The following GRM5 variants were observed in gnomAD, a reference collection of about 807,000 sequenced individuals.
The protein encoded by GRM5 is glutamate metabotropic receptor 5.
In GRM5, 19 loss-of-function variants were observed where a neutral mutation model predicts 83.1. The observed-to-expected ratio is 0.23, with a 90% CI of 0.16 to 0.34. GRM5 has a LOEUF of 0.34. GRM5 is among the 10% of genes least tolerant of loss of function. The pLI is 1.00. For missense variants in GRM5, 1,160 were observed against 1,588.3 expected (o/e 0.73, Z 4.58); for synonymous variants, 675 against 633.6 (o/e 1.07, Z -0.98).
intron 2 of GRM5, among the ~76,000 whole-genome samples, chr11:89,025,946 C>A (rs1482005362): frequency 6.6e-6 from 1 of 152,198 alleles, no homozygotes; most frequent in Non-Finnish European, 1.5e-5. Flanking sequence ...TGCTCATCAA[C>A]TGTGGAGTAG....
chr11:88,739,964 C>A (rs1941994779), intron 3 of GRM5, among the ~76,000 whole-genome samples: 1 of 151,982 alleles, frequency 6.6e-6, no homozygotes, highest in South Asian at 2.1e-4. Context: ...ATAGTAAGAA[C>A]ACAACAGAAG....
At chr11:88,957,619 A>C (rs953908836) in intron 2 of GRM5, among the ~76,000 whole-genome samples, 1 of 152,200 alleles carries the variant, frequency 6.6e-6, no homozygotes, top group African/African-American at 2.4e-5. Context: ...TCACCAACTT[A>C]CTATAATGAA....
At chr11:88,875,167 T>C (rs1381611623) in intron 2 of GRM5, among the ~76,000 whole-genome samples, 1 of 151,838 alleles carries the variant, frequency 6.6e-6, no homozygotes, top group Admixed American at 6.6e-5. Flanking sequence ...CTTTTAAAAT[T>C]GGAGTCAATA....
chr11:88,940,515 A>AT (rs1318481279), intron 2 of GRM5, among the ~76,000 whole-genome samples: 1 of 151,416 alleles, frequency 6.6e-6, no homozygotes, highest in Non-Finnish European at 1.5e-5. Flanking sequence ...CAAAATTAAT[A>AT]TAAAAAATAA....
At chr11:88,721,808 G>T (rs534129007) in intron 3 of GRM5, among the ~76,000 whole-genome samples, 1 of 152,190 alleles carries the variant, frequency 6.6e-6, no homozygotes, top group South Asian at 2.1e-4. Context: ...CTCTTTTACT[G>T]AAATCATCAA....
chr11:88,642,635 G>T (rs1281281759), intron 4 of GRM5, among the ~76,000 whole-genome samples: 1 of 152,104 alleles, frequency 6.6e-6, no homozygotes, highest in South Asian at 2.1e-4. Context: ...AAGCAGTGAG[G>T]CTACATCTTG....
chr11:89,008,686 A>G (rs1191828470), intron 2 of GRM5, among the ~76,000 whole-genome samples: 2 of 152,090 alleles, frequency 1.3e-5, no homozygotes, highest in African/African-American at 4.8e-5. Flanking sequence ...GTGGGAGAAA[A>G]TAGTTTGGTC....
At chr11:88,630,588 C>T (rs927332751) in intron 4 of GRM5, among the ~76,000 whole-genome samples, 1 of 129,218 alleles carries the variant, frequency 7.7e-6, no homozygotes, top group East Asian at 2.3e-4. Flanking sequence ...CACACACACA[C>T]ACATATTATG....
chr11:88,849,826 T>A, intron 3 of GRM5, 80 bp downstream of exon 3: 1 of 1,329,504 alleles, frequency 7.5e-7, no homozygotes, highest in East Asian at 2.3e-5. Context: ...AAGAATTTTT[T>A]ATCATACACT....
intron 6 of GRM5, among the ~76,000 whole-genome samples, chr11:88,596,063 A>G (rs1937796053): frequency 6.6e-6 from 1 of 152,136 alleles, no homozygotes; most frequent in Admixed American, 6.6e-5. Flanking sequence ...ACATGCCCAC[A>G]AACTAACCAA....
chr11:88,751,087 A>C (rs999623216), intron 3 of GRM5, among the ~76,000 whole-genome samples: 1 of 146,906 alleles, frequency 6.8e-6, no homozygotes, highest in African/African-American at 2.4e-5. Context: ...AAAAAAAAAA[A>C]AAAAAAAACA....
chr11:88,820,374 C>CAAAA (rs11457342), intron 3 of GRM5, among the ~76,000 whole-genome samples: 2,765 of 68,668 alleles, frequency 0.04, 230 homozygotes, highest in East Asian at 0.12. Flanking sequence ...AACTCCATCT[C>CAAAA]AAAAAAAAAA....
chr11:88,538,597 C>G (rs1295769713), intron 8 of GRM5, among the ~76,000 whole-genome samples: 3 of 152,148 alleles, frequency 2.0e-5, no homozygotes, highest in Non-Finnish European at 4.4e-5. Context: ...AGTTTTCCAA[C>G]AGAGATTTTT....
intron 2 of GRM5, among the ~76,000 whole-genome samples, chr11:88,860,865 T>G (rs1944550048): frequency 6.6e-6 from 1 of 152,178 alleles, no homozygotes; most frequent in Non-Finnish European, 1.5e-5. Context: ...ATTAGAGCCT[T>G]GGTGACTTTC....
chr11:88,773,035 A>C (rs1186150993), intron 3 of GRM5, among the ~76,000 whole-genome samples: 1 of 152,230 alleles, frequency 6.6e-6, no homozygotes, highest in Non-Finnish European at 1.5e-5. Flanking sequence ...ACTGTCTTCC[A>C]CAATGGTGGA....
intron 2 of GRM5, among the ~76,000 whole-genome samples, chr11:88,952,478 T>A (rs2135680929): frequency 6.6e-6 from 1 of 152,268 alleles, no homozygotes; most frequent in Admixed American, 6.5e-5. Context: ...ATGGTATTGG[T>A]ATGCATTCAA....
intron 2 of GRM5, among the ~76,000 whole-genome samples, chr11:88,928,907 T>TATATACACACAC (rs369951090): frequency 4.7e-4 from 65 of 138,760 alleles, no homozygotes; most frequent in Middle Eastern, 3.6e-3. Context: ...TATGTGTATA[T>TATATACACACAC]ACACACACAC....
chr11:88,915,847 C>T (rs1945581166), intron 2 of GRM5, among the ~76,000 whole-genome samples: 1 of 152,060 alleles, frequency 6.6e-6, no homozygotes, highest in Admixed American at 6.6e-5. Context: ...ACATTATGTT[C>T]CTTAAGAACA....
chr11:88,705,015 A>G (rs1941121831), intron 3 of GRM5, among the ~76,000 whole-genome samples: 1 of 152,080 alleles, frequency 6.6e-6, no homozygotes, highest in African/African-American at 2.4e-5. Flanking sequence ...CAGCATAAAC[A>G]TAACATATGA....
Sources: allele counts gnomAD v4.1 joint callset (sites outside exome capture counted in the v4.1 genomes callset), GRCh38; gene constraint gnomAD v4.1.1; transcripts MANE v1.5; gene names NCBI Gene and HGNC (gene_info 2026-07-23, HGNC 2026-07-21).